Variants in LINGO2 observed in about 807,000 individuals in gnomAD.
LINGO2 encodes leucine rich repeat and Ig domain containing 2, also known as leucine-rich repeat and immunoglobulin-like domain-containing nogo receptor-interacting protein 2.
A neutral mutation model predicts 30.6 loss-of-function variants in LINGO2; 14 were observed. The ratio of observed to expected loss-of-function variants is 0.46; its 90% CI spans 0.30 to 0.72. The LOEUF (loss-of-function observed/expected upper bound fraction) is 0.72, where lower values mean the gene tolerates loss of function less well. LINGO2 is among the 30% of genes least tolerant of loss of function. The pLI is 0.07. For missense variants in LINGO2, 729 were observed against 751.7 expected, an observed-to-expected ratio of 0.97 and a Z score of 0.35; for synonymous variants, 317 against 288.5, an observed-to-expected ratio of 1.10 and a Z score of -1.00.
chr9:28,011,632 AAAGTGATGGAATTGT>A (rs1449514343), intron 5 of LINGO2, among the ~76,000 whole-genome samples: 3 of 152,176 alleles, frequency 2.0e-5, no homozygotes, highest in African/African-American at 7.2e-5. Context: ...CATTTAATTA[AAAGTGATGGAATTGT>A]ATTTGATATA....
intron 4 of LINGO2, among the ~76,000 whole-genome samples, chr9:28,254,763 T>A (rs1315003041): frequency 6.6e-6 from 1 of 152,126 alleles, no homozygotes; most frequent in East Asian, 1.9e-4. Flanking sequence ...ATACCAAATT[T>A]TTTAAAATTT....
chr9:28,663,288 A>G (rs1563901147), intron 1 of LINGO2, among the ~76,000 whole-genome samples: 1 of 152,040 alleles, frequency 6.6e-6, no homozygotes, highest in Non-Finnish European at 1.5e-5. Flanking sequence ...CTCCTGTCTC[A>G]GCCTCCTGAG....
chr9:28,532,962 CT>C (rs1038707266), intron 1 of LINGO2, among the ~76,000 whole-genome samples: 2 of 152,000 alleles, frequency 1.3e-5, no homozygotes, highest in Non-Finnish European at 2.9e-5. Flanking sequence ...CTCTTTGGTC[CT>C]TGTGATGGTT....
At chr9:28,759,050 T>G in the LINGO2 span, among the ~76,000 whole-genome samples, 1 of 152,036 alleles carries the variant, frequency 6.6e-6, no homozygotes, top group Non-Finnish European at 1.5e-5. Flanking sequence ...ATACTTAAGG[T>G]GCTGTTTTAG....
intron 5 of LINGO2, among the ~76,000 whole-genome samples, chr9:27,955,230 C>T (rs1819508767): frequency 6.6e-6 from 1 of 152,088 alleles, no homozygotes; most frequent in Admixed American, 6.6e-5. Context: ...ATTTAGTTAC[C>T]TTGACATTAT....
chr9:28,028,256 T>A (rs1287395952), intron 4 of LINGO2, among the ~76,000 whole-genome samples: 7 of 152,196 alleles, frequency 4.6e-5, no homozygotes, highest in African/African-American at 7.2e-5. Context: ...GTTGGTAGAC[T>A]TTTAACATAG....
the LINGO2 span, among the ~76,000 whole-genome samples, chr9:29,195,503 A>G: frequency 6.6e-6 from 1 of 152,014 alleles, no homozygotes; most frequent in Admixed American, 6.6e-5. Flanking sequence ...TCCCATTATT[A>G]ACTTCCTTAG....
At position 28,193,123 on chromosome 9, in the gene LINGO2, C is replaced by T. The variant is rs889277357; in HGVS notation, c.-87+102085G>A. Among the ~76,000 whole-genome samples the T allele has an allele frequency of 2.6e-5, 4 of 152,064 alleles. No individual in the cohort carries two copies. The East Asian group carries it at 7.7e-4, about 29-fold the overall frequency. ...ACACTGATGTTCTCAAAGATTTATG[C>T]TGGGAGTTCAAATGATTTCTGAATT... On this transcript the variant is annotated intron_variant, in intron 4 of 5. Transcript: ENST00000379992.
At chr9:28,432,664 C>T (rs944357631) in intron 2 of LINGO2, among the ~76,000 whole-genome samples, 3 of 152,086 alleles carry the variant, frequency 2.0e-5, no homozygotes, top group Admixed American at 1.3e-4. Context: ...GATCTGAATT[C>T]TGTCTCTATT....
intron 2 of LINGO2, among the ~76,000 whole-genome samples, chr9:28,430,827 G>A (rs1214637445): frequency 1.3e-5 from 2 of 152,100 alleles, no homozygotes; most frequent in Non-Finnish European, 1.5e-5. Flanking sequence ...ATTACATTGT[G>A]GTCAAGGTGT....
At chr9:28,139,118 C>T (rs1217194098) in intron 4 of LINGO2, among the ~76,000 whole-genome samples, 1 of 152,160 alleles carries the variant, frequency 6.6e-6, no homozygotes, top group Non-Finnish European at 1.5e-5. Flanking sequence ...GCATCATTAT[C>T]TGCCAGTGAA....
rs575540290 is a variant in LINGO2 at position 28,191,069 on chromosome 9, T to C, written c.-87+104139A>G. On this transcript the variant is annotated intron_variant, in intron 4 of 5. Transcript: ENST00000379992. Reference sequence around the variant, plus strand: ...TTAAAGCAGCTGCTTAGTCATTGTTTCTTAATTTCTTTAAAATAAACAACC... The same window carrying C: ...TTAAAGCAGCTGCTTAGTCATTGTTCCTTAATTTCTTTAAAATAAACAACC... Among the ~76,000 whole-genome samples, 8 of 152,336 alleles carry C rather than the reference T, an allele frequency of 5.3e-5. No homozygotes were observed. In the South Asian group the frequency reaches 8.3e-4, roughly 16 times the overall value.
At chr9:28,687,410 T>C in the LINGO2 span, among the ~76,000 whole-genome samples, 8 of 152,268 alleles carry the variant, frequency 5.3e-5, no homozygotes, top group East Asian at 9.7e-4. Flanking sequence ...TAAACAGTCA[T>C]GCCAAGTGAA....
downstream of LINGO2, among the ~76,000 whole-genome samples, chr9:27,945,044 A>G (rs1823310184): frequency 6.6e-6 from 1 of 152,266 alleles, no homozygotes; most frequent in South Asian, 2.1e-4. Flanking sequence ...TAGACTTCTA[A>G]GCTGAAAATT....
chr9:28,233,030 T>TTATATATATATA (rs1554690875), intron 4 of LINGO2, among the ~76,000 whole-genome samples: 963 of 77,506 alleles, frequency 0.012, 20 homozygotes, highest in African/African-American at 0.043. Context: ...ACAGTAAACA[T>TTATATATATATA]TATATATATA....
chr9:29,060,111 C>A, the LINGO2 span, among the ~76,000 whole-genome samples: 19 of 152,112 alleles, frequency 1.2e-4, no homozygotes, highest in South Asian at 4.1e-4. Flanking sequence ...TTTTCTTCTT[C>A]ACTCTTCTTT....
intron 4 of LINGO2, among the ~76,000 whole-genome samples, chr9:28,078,972 C>T (rs1335707174): frequency 6.7e-6 from 1 of 148,760 alleles, no homozygotes; most frequent in Non-Finnish European, 1.5e-5. Flanking sequence ...AATGCCTTTA[C>T]AGTTTGATAT....
At chr9:28,039,674 T>C (rs1397198693) in intron 4 of LINGO2, among the ~76,000 whole-genome samples, 1 of 152,182 alleles carries the variant, frequency 6.6e-6, no homozygotes, top group East Asian at 1.9e-4. Context: ...TATATCTTTA[T>C]GGAGTATACT....
rs553972438 is a variant in LINGO2 at position 28,017,285 on chromosome 9, C to T, written c.-86-4880G>A. The stretch of plus-strand genomic sequence containing the variant: ...ATTCTCCTTGAGAACTAGAATACCA[C>T]AAGGATGCCCTTTCACTACTCCTAT... On this transcript the variant is annotated intron_variant, in intron 4 of 5. Coordinates refer to ENST00000379992, the Ensembl canonical transcript of LINGO2. Among the ~76,000 whole-genome samples, 28 of 152,232 alleles carry T rather than the reference C, an allele frequency of 1.8e-4. No homozygotes were observed. The South Asian group carries it at 5.6e-3, about 30-fold the overall frequency.
Sources: gnomAD v4.1 joint callset for allele counts (sites outside exome capture counted in the v4.1 genomes callset) on GRCh38, gnomAD v4.1.1 for gene constraint, MANE v1.5 for transcripts, NCBI Gene and HGNC (gene_info 2026-07-23, HGNC 2026-07-21) for gene names.